The following ABLIM2 variants were observed in gnomAD, a reference collection of about 807,000 sequenced individuals.
ABLIM2 encodes the protein actin-binding LIM protein 2.
Under a neutral mutation model 97.7 loss-of-function variants are expected in ABLIM2, and 53 were observed. The observed-to-expected ratio is 0.54, with a 90% confidence interval of 0.44 to 0.68. The LOEUF is 0.68. ABLIM2 is among the 30% of genes least tolerant of loss of function. The pLI is 0.00. For missense variants in ABLIM2, 835 were observed against 867.2 expected (o/e 0.96, Z 0.47); for synonymous variants, 361 against 345.8 (o/e 1.04, Z -0.49).
rs1480861069 is a variant in ABLIM2 at position 8,075,300 on chromosome 4, G to T, written c.675+2328C>A. 4.6e-5 allele frequency among the ~76,000 whole-genome samples: 7 copies of T among 152,170 alleles called. No homozygotes were observed. The highest frequency in any genetic ancestry group is 1.0e-4 in the Non-Finnish European group (7 of 68,040). On this transcript the variant is annotated intron_variant, in intron 6 of 20. Transcript: ENST00000447017. This position sits in a 1 kb window ranked among gnomAD's most constrained non-coding sequence, Gnocchi z 4.4. Reference sequence around the variant, plus strand: ...TGCCGAGGGCTTGCGGGTACGGGGAGTGACAGCTAAAAGGTATGGGGTTCT... The same window carrying T: ...TGCCGAGGGCTTGCGGGTACGGGGATTGACAGCTAAAAGGTATGGGGTTCT...
chr4:8,090,879 C>T (rs923097713), intron 3 of ABLIM2, among the ~76,000 whole-genome samples: 6 of 152,092 alleles, frequency 3.9e-5, no homozygotes, highest in Non-Finnish European at 8.8e-5. Flanking sequence ...TTCCATGCAA[C>T]TGCTGGGGGC....
At position 8,046,708 on chromosome 4, in the gene ABLIM2, C is replaced by T. The variant is rs1329174982; in HGVS notation, c.823-1467G>A. On this transcript the variant is annotated intron_variant, in intron 8 of 20. Transcript: ENST00000447017. The surrounding 1 kb of genome is among the most constrained non-coding windows in gnomAD (Gnocchi z 4.4). ...GGATGGGCTGATCTGTGTCCACATT[C>T]GTAGGTTGAATCCTAACCCCCAGGA... Among the ~76,000 whole-genome samples, 2 of 152,214 alleles carry T rather than the reference C, an allele frequency of 1.3e-5. No homozygotes were observed. Among genetic ancestry groups the T allele is most frequent in the African/African-American group, 2.4e-5 (1 of 41,440 alleles).
chr4:8,047,552 C>G (rs967398862), intron 8 of ABLIM2, among the ~76,000 whole-genome samples: 11 of 152,176 alleles, frequency 7.2e-5, no homozygotes, highest in Admixed American at 7.2e-4. Flanking sequence ...TCAGTCATGC[C>G]CACGATGGCC....
intron 3 of ABLIM2, among the ~76,000 whole-genome samples, chr4:8,090,416 T>G (rs1331439926): frequency 6.6e-6 from 1 of 152,236 alleles, no homozygotes; most frequent in Non-Finnish European, 1.5e-5. Context: ...CCACAGGACA[T>G]CCTGCCTAGG....
intron 1 of ABLIM2, among the ~76,000 whole-genome samples, chr4:8,156,425 C>T (rs1561653651): frequency 1.3e-5 from 2 of 152,218 alleles, no homozygotes; most frequent in Non-Finnish European, 2.9e-5. Flanking sequence ...CCATCTCCTT[C>T]CACCTTGCCA....
intron 20 of ABLIM2, among the ~76,000 whole-genome samples, chr4:7,978,546 G>A (rs1577737309): frequency 6.6e-6 from 1 of 152,332 alleles, no homozygotes; most frequent in East Asian, 1.9e-4. Flanking sequence ...TGCTGGGCCA[G>A]GAGCTGCCAG....
At chr4:8,126,337 C>T (rs1847912774) in intron 1 of ABLIM2, among the ~76,000 whole-genome samples, 1 of 152,072 alleles carries the variant, frequency 6.6e-6, no homozygotes, top group Admixed American at 6.5e-5. Flanking sequence ...GAGGGAGCCG[C>T]TGGAGGCCCT....
intron 9 of ABLIM2, among the ~76,000 whole-genome samples, chr4:8,040,362 G>A (rs189907842): frequency 5.9e-4 from 90 of 152,294 alleles, no homozygotes; most frequent in African/African-American, 2.0e-3. Context: ...TGTACCCCCA[G>A]CACTTTGGGA....
chr4:8,098,789 G>T (rs199949709), intron 2 of ABLIM2, among the ~76,000 whole-genome samples: 1 of 152,296 alleles, frequency 6.6e-6, no homozygotes, highest in African/African-American at 2.4e-5. Flanking sequence ...TGAGCATCCC[G>T]TGAGCCAGTG....
chr4:8,057,975 G>A (rs1321207072), intron 7 of ABLIM2, among the ~76,000 whole-genome samples: 1 of 152,240 alleles, frequency 6.6e-6, no homozygotes, highest in South Asian at 2.1e-4. Flanking sequence ...GACCTGTCAT[G>A]ATTCAGACTG....
At position 8,147,397 on chromosome 4, in the gene ABLIM2, T is replaced by G. The variant is rs529997372; in HGVS notation, c.10+11283A>C. Among the ~76,000 whole-genome samples the G allele has an allele frequency of 2.0e-5, 3 of 152,174 alleles. No homozygotes were observed. Among genetic ancestry groups the G allele is most frequent in the Admixed American group, 6.5e-5 (1 of 15,276 alleles). ...GCTGAGTAATGCCTCCCCCAGAAGATATCCCCATCTAATCGCTAAAACCTG... is the reference window on the plus strand; with the variant it reads ...GCTGAGTAATGCCTCCCCCAGAAGAGATCCCCATCTAATCGCTAAAACCTG... On this transcript the variant is annotated intron_variant, in intron 1 of 20. Transcript: ENST00000447017. This position sits in a 1 kb window ranked among gnomAD's most constrained non-coding sequence, Gnocchi z 5.3.
At chr4:7,967,145 G>A (rs201017697) in intron 20 of ABLIM2, 42 bp from the exon 21 acceptor site, 26 of 1,531,464 alleles carry the variant, frequency 1.7e-5, no homozygotes, top group Middle Eastern at 1.7e-4. Context: ...AGTTAGCCAC[G>A]CAGCAAGGGA....
chr4:8,019,494 C>A lies in ABLIM2; in HGVS notation c.1423+124G>T. On this transcript the variant is annotated intron_variant, in intron 14 of 20. Coordinates refer to ENST00000447017, the MANE Select transcript of ABLIM2 (RefSeq NM_001130083.2). This position sits in a 1 kb window ranked among gnomAD's most constrained non-coding sequence, Gnocchi z 4.3. ...GAATTTGCATTTAATAGTCAGACTG[C>A]TAAGGGCCTTGGTGGTGCCTTCACT... 1.1e-6 allele frequency: 1 copy of A among 886,038 alleles called. No individual in the cohort carries two copies. The highest frequency in any genetic ancestry group is 1.7e-6 in the Non-Finnish European group (1 of 582,626). The allele number at this position is 886,038 out of a possible 1,614,324, so 54.9% of individuals were successfully genotyped here. A position where few individuals can be genotyped will look rare whatever the true frequency, so the allele number is the denominator to read the frequency against.
rs1343353234 is a variant in ABLIM2 at position 8,027,741 on chromosome 4, C to T, written c.1267+18G>A. On this transcript the variant is annotated intron_variant, in intron 12 of 20. Transcript: ENST00000447017. ...GACACCCATGAGCACCCACAGCCCA[C>T]ATCACTGCGTGCCTTACCTCGGAAG... The T allele has an allele frequency of 1.3e-6, 2 of 1,549,794 alleles. No homozygotes were observed. The highest frequency in any genetic ancestry group is 3.8e-5 in the Admixed American group (2 of 52,442).
chr4:7,985,867 G>C (rs1299624733), intron 17 of ABLIM2, among the ~76,000 whole-genome samples: 1 of 152,314 alleles, frequency 6.6e-6, no homozygotes, highest in Non-Finnish European at 1.5e-5. Context: ...TCATCGACAC[G>C]TCCTGCAAAC....
chr4:8,090,026 G>A (rs1290638624), intron 3 of ABLIM2, among the ~76,000 whole-genome samples: 1 of 152,180 alleles, frequency 6.6e-6, no homozygotes, highest in Non-Finnish European at 1.5e-5. Context: ...CAGTACCCTC[G>A]GTCCATGCAG....
At position 7,966,963 on chromosome 4, in the gene ABLIM2, C is replaced by T. The variant is rs375688480; in HGVS notation, c.*27G>A. 1.9e-6 allele frequency: 3 copies of T among 1,595,808 alleles called. No individual in the cohort carries two copies. In the African/African-American group the frequency reaches 4.0e-5, roughly 21 times the overall value. On this transcript the variant is annotated 3_prime_UTR_variant, in exon 21 of 21. Coordinates refer to ENST00000447017, the MANE Select transcript of ABLIM2 (RefSeq NM_001130083.2). ...GGGCCCCTGGCCTCGGCGCCCGGCA[C>T]ACACCAGTGGGGCAGGCTGGCAGCC...
rs1030062643 is a variant in ABLIM2, at chr4:8,015,361, G to A, written c.1423+4257C>T. Among the ~76,000 whole-genome samples the A allele has an allele frequency of 2.0e-5, 3 of 152,068 alleles. No homozygotes were observed. The highest frequency in any genetic ancestry group is 7.2e-5 in the African/African-American group (3 of 41,414). ...ATGAGGAACCCTCTAGGGAGAGGCTGAGTTCCTACTCCCCGGCTCCCCTGG... is the reference window on the plus strand; with the variant it reads ...ATGAGGAACCCTCTAGGGAGAGGCTAAGTTCCTACTCCCCGGCTCCCCTGG... On this transcript the variant is annotated intron_variant, in intron 14 of 20. Transcript: ENST00000447017. This position sits in a 1 kb window ranked among gnomAD's most constrained non-coding sequence, Gnocchi z 4.6.
At chr4:7,976,784 C>T (rs1159683744) in intron 20 of ABLIM2, among the ~76,000 whole-genome samples, 2 of 152,092 alleles carry the variant, frequency 1.3e-5, no homozygotes, top group African/African-American at 4.8e-5. Context: ...TACACATACA[C>T]ACAAGTATAC....
Sources: gnomAD v4.1 joint callset for allele counts (sites outside exome capture counted in the v4.1 genomes callset) on GRCh38, gnomAD v4.1.1 for gene constraint, Gnocchi (gnomAD v3.1) non-coding constraint, MANE v1.5 for transcripts, NCBI Gene and HGNC (gene_info 2026-07-23, HGNC 2026-07-21) for gene names.